NIPA2: variants seen among roughly 807,000 people sequenced by gnomAD.
NIPA2 encodes NIPA magnesium transporter 2.
Under a neutral mutation model 29.7 loss-of-function variants are expected in NIPA2, and 11 were observed. The ratio of observed to expected loss-of-function variants is 0.37; its 90% CI spans 0.23 to 0.61. The LOEUF (loss-of-function observed/expected upper bound fraction) is 0.61. NIPA2 is among the 20% of genes least tolerant of loss of function. NIPA2 has a pLI of 0.66. For synonymous variants in NIPA2, 183 were observed against 161.9 expected (o/e 1.13, Z -0.99); for missense variants, 426 against 437.9 (o/e 0.97, Z 0.24).
At chr15:22,840,096 T>TTTTGTA (rs1440235221) in intron 2 of NIPA2, among the ~76,000 whole-genome samples, 1 of 151,532 alleles carries the variant, frequency 6.6e-6, no homozygotes. Flanking sequence ...AATTTTTGTA[T>TTTTGTA]TTTTTTTAGA....
At position 22,866,926 on chromosome 15, in the gene NIPA2, TGTCCTC is replaced by T; in HGVS notation, c.*80_*85del. 2 of 1,321,422 alleles carry T rather than the reference TGTCCTC, an allele frequency of 1.5e-6. No homozygotes were observed. The highest frequency in any genetic ancestry group is 2.1e-6 in the Non-Finnish European group (2 of 970,434). 81.9% of individuals were successfully genotyped at this position (1,321,422 alleles called of 1,614,324 possible). A position where few individuals can be genotyped will look rare whatever the true frequency, so the allele number is the denominator to read the frequency against. The stretch of plus-strand genomic sequence containing the variant: ...CATCAGAATGTGTCTGAAAAAACAT[TGTCCTC>T]AAATAATGTTCTTTAAAGGCAATCT... On this transcript the variant is annotated 3_prime_UTR_variant, in exon 8 of 8. Transcript: ENST00000337451.
chr15:22,862,049 C>CTTTTTTTTTT (rs57513456), intron 7 of NIPA2, among the ~76,000 whole-genome samples: 4,305 of 103,644 alleles, frequency 0.042, 268 homozygotes, highest in East Asian at 0.16. Context: ...ATGGGTCTCT[C>CTTTTTTTTTT]TTTTTTTTTT....
intron 3 of NIPA2, among the ~76,000 whole-genome samples, chr15:22,845,860 C>T (rs934428901): frequency 2.6e-5 from 4 of 151,868 alleles, no homozygotes; most frequent in Non-Finnish European, 5.9e-5. Context: ...TTTCCCATAA[C>T]ACATAAATTA....
At chr15:22,841,533 A>C (rs1233174139) in intron 2 of NIPA2, among the ~76,000 whole-genome samples, 1 of 151,572 alleles carries the variant, frequency 6.6e-6, no homozygotes, top group South Asian at 2.1e-4. Flanking sequence ...TCTGAGATGC[A>C]GTTTTGCTCT....
intron 5 of NIPA2, among the ~76,000 whole-genome samples, chr15:22,856,574 G>C (rs528360187): frequency 1.7e-4 from 26 of 152,010 alleles, no homozygotes; most frequent in Non-Finnish European, 3.2e-4. Flanking sequence ...AGAAGAAAAA[G>C]GCAAATTGTA....
chr15:22,853,112 G>A, intron 4 of NIPA2, 100 bp from the exon 5 acceptor site: 2 of 766,718 alleles, frequency 2.6e-6, no homozygotes, highest in African/African-American at 1.8e-5. Flanking sequence ...TTATTTAAAG[G>A]AGTAACTGAG....
chr15:22,847,839 C>T (rs1258450656), intron 3 of NIPA2, among the ~76,000 whole-genome samples: 4 of 151,776 alleles, frequency 2.6e-5, no homozygotes, highest in Admixed American at 2.0e-4. Context: ...ATCTTGTTGC[C>T]CAGGCTGGAA....
At chr15:22,840,047 A>G (rs945080520) in intron 2 of NIPA2, among the ~76,000 whole-genome samples, 7 of 152,072 alleles carry the variant, frequency 4.6e-5, no homozygotes, top group African/African-American at 1.7e-4. Flanking sequence ...CAGCCTCCCC[A>G]GCAGCTGGGA....
Position 22,867,862 on chromosome 15 carries a change from A to T in NIPA2, c.*1015A>T, listed in dbSNP as rs1410992549. 2 of 150,260 alleles carry T rather than the reference A, an allele frequency of 1.3e-5. No individual in the cohort carries two copies. The highest frequency in any genetic ancestry group is 2.4e-5 in the African/African-American group (1 of 41,026). 9.3% of individuals were successfully genotyped at this position (150,260 alleles called of 1,614,324 possible). A position where few individuals can be genotyped will look rare whatever the true frequency, so the allele number is the denominator to read the frequency against. On this transcript the variant is annotated 3_prime_UTR_variant, in exon 8 of 8. Transcript: ENST00000337451. ...TTCTAGAAAATGTTTGTTTATGAAG[A>T]AGTCGATGGAAAACTGCAAACATAT...
In NIPA2 at chr15:22,863,901, CTTTT is replaced by C. The variant is rs1264563979; in HGVS notation, c.449-2309_449-2306del. On this transcript the variant is annotated intron_variant, in intron 7 of 7. Coordinates refer to ENST00000337451, the MANE Select transcript of NIPA2 (RefSeq NM_030922.7). The stretch of plus-strand genomic sequence containing the variant: ...CTTTGATGCCCTCAAATAAATGTTT[CTTTT>C]TTATTTGTTTGGGGTTTTTTGTTGT... 3.3e-5 allele frequency among the ~76,000 whole-genome samples: 5 copies of C among 152,114 alleles called. No homozygotes were observed. The South Asian group carries it at 1.0e-3, about 32-fold the overall frequency.
Position 22,856,973 on chromosome 15 carries a change from T to C in NIPA2, c.197-1567T>C, listed in dbSNP as rs1172597577. 2.0e-5 allele frequency among the ~76,000 whole-genome samples: 3 copies of C among 152,218 alleles called. No homozygotes were observed. The East Asian group carries it at 5.8e-4, about 29-fold the overall frequency. On this transcript the variant is annotated intron_variant, in intron 5 of 7. Coordinates refer to ENST00000337451, the MANE Select transcript of NIPA2 (RefSeq NM_030922.7). ...TCCTTAGTGGGACTTAATTTCCCAG[T>C]GTTCTAAAATTTCTTATCTGACAGC... is the stretch of plus-strand genomic sequence containing the variant.
intron 3 of NIPA2, among the ~76,000 whole-genome samples, chr15:22,847,713 C>T (rs901079870): frequency 2.6e-5 from 4 of 152,146 alleles, no homozygotes; most frequent in Non-Finnish European, 5.9e-5. Context: ...CTGCCCACCT[C>T]GGCCTCCCAA....
At chr15:22,866,046 A>G (rs2059037886) in intron 7 of NIPA2, among the ~76,000 whole-genome samples, 167 bp from the exon 8 acceptor site, 1 of 151,974 alleles carries the variant, frequency 6.6e-6, no homozygotes. Context: ...GTGTCCATCT[A>G]AGTAAATTTT....
chr15:22,851,775 G>A lies in NIPA2; in HGVS notation c.44G>A (p.Gly15Glu). Residue 15 changes from glycine (G) to glutamate (E), a missense_variant, in exon 4 of 8, where the codon GGA becomes GAA. Coordinates refer to ENST00000337451, the MANE Select transcript of NIPA2 (RefSeq NM_030922.7). The part of the protein sequence containing the change: ...RGKYDFYIGL[G>E]LAMSSSIFIG... ...AAATATGACTTCTATATTGGTCTGG[G>A]ATTGGCTATGAGCTCCAGCATTTTC... The A allele has an allele frequency of 6.2e-7, 1 of 1,613,614 alleles. No homozygotes were observed. The highest frequency in any genetic ancestry group is 8.5e-7 in the Non-Finnish European group (1 of 1,179,686).
rs1322323601 is a variant in NIPA2, at chr15:22,866,504, T to C, written c.740T>C (p.Ile247Thr). The change falls in exon 8 of 8, where the codon ATT becomes ACT. Residue 247 changes from isoleucine (I) to threonine (T), a missense_variant. Ile to Thr is a moderately conservative substitution (Grantham distance 89, BLOSUM62 -1). Around this residue, in one of 3 missense-constraint regions of NIPA2, gnomAD observed 357 missense variants for 339.8 expected, o/e 1.05. Transcript: ENST00000337451. ...GCCCTGGATATATTCAACACTTCCA[T>C]TGTGACTCCAATATATTATGTATTC... ...NRALDIFNTS[I>T]VTPIYYVFFT... The C allele has an allele frequency of 6.2e-7, 1 of 1,613,740 alleles. No individual in the cohort carries two copies. Among genetic ancestry groups the C allele is most frequent in the Non-Finnish European group, 8.5e-7 (1 of 1,179,736 alleles).
chr15:22,839,290 T>C (rs1896365672), intron 1 of NIPA2: 1 of 152,214 alleles, frequency 6.6e-6, no homozygotes, highest in South Asian at 2.1e-4. Context: ...TTTTATAAAA[T>C]CACGGAATCC....
At chr15:22,852,961 G>A (rs1273818360) in intron 4 of NIPA2, among the ~76,000 whole-genome samples, 1 of 152,128 alleles carries the variant, frequency 6.6e-6, no homozygotes, top group Non-Finnish European at 1.5e-5. Context: ...AGCATCTACT[G>A]CTTGTTCCCC....
intron 2 of NIPA2, among the ~76,000 whole-genome samples, chr15:22,844,528 C>T (rs954702763): frequency 6.0e-5 from 9 of 150,740 alleles, no homozygotes; most frequent in Admixed American, 2.7e-4. Context: ...CACTCCAGCC[C>T]GGGCGACAGT....
chr15:22,862,248 A>G (rs1441310787), intron 7 of NIPA2, among the ~76,000 whole-genome samples: 1 of 151,526 alleles, frequency 6.6e-6, no homozygotes, highest in Non-Finnish European at 1.5e-5. Flanking sequence ...GGGTTTCACC[A>G]GGTTGGCCAG....
Sources: allele counts gnomAD v4.1 joint callset (sites outside exome capture counted in the v4.1 genomes callset), GRCh38; gene constraint gnomAD v4.1.1; regional missense constraint gnomAD v4.1.1; transcripts MANE v1.5; gene names NCBI Gene and HGNC (gene_info 2026-07-23, HGNC 2026-07-21).